The following ZFAT variants were observed in gnomAD, a reference collection of about 807,000 sequenced individuals.
The protein encoded by ZFAT is zinc finger protein ZFAT.
Under a neutral mutation model 117.7 loss-of-function variants are expected in ZFAT, and 64 were observed. That is an observed-to-expected ratio of 0.54 (90% confidence interval 0.44 to 0.67). The LOEUF is 0.67. ZFAT is among the 30% of genes least tolerant of loss of function. The pLI, the probability that ZFAT is intolerant of heterozygous loss-of-function variation, is 0.00. For missense variants in ZFAT, 1,433 were observed against 1,584.5 expected, an observed-to-expected ratio of 0.90 and a Z score of 1.62; for synonymous variants, 679 against 615.0, an observed-to-expected ratio of 1.10 and a Z score of -1.54.
chr8:134,654,502 C>T (rs1831472847), intron 2 of ZFAT, among the ~76,000 whole-genome samples: 1 of 152,150 alleles, frequency 6.6e-6, no homozygotes. Context: ...GGACCTCCAG[C>T]TGTTCGGCTA....
chr8:134,774,123 G>A, the ZFAT span, among the ~76,000 whole-genome samples: 1 of 150,702 alleles, frequency 6.6e-6, no homozygotes, highest in African/African-American at 2.4e-5. Flanking sequence ...AGCCTCCTGA[G>A]TAGCTGGGAT....
chr8:134,613,392 T>A (rs1470477428), intron 3 of ZFAT, among the ~76,000 whole-genome samples: 2 of 152,190 alleles, frequency 1.3e-5, no homozygotes, highest in Admixed American at 6.5e-5. Context: ...GCATTGTATG[T>A]TAGGAACACA....
At chr8:134,495,072 A>G (rs1445259275) in intron 15 of ZFAT, among the ~76,000 whole-genome samples, 1 of 152,188 alleles carries the variant, frequency 6.6e-6, no homozygotes, top group Non-Finnish European at 1.5e-5. Context: ...CCACCTGCCC[A>G]GCTCCCCTGA....
At chr8:134,588,103 G>A (rs559363945) in intron 9 of ZFAT, 143 bp downstream of exon 9, 2 of 998,864 alleles carry the variant, frequency 2.0e-6, no homozygotes, top group Non-Finnish European at 2.9e-6. Flanking sequence ...TTTGTAGCTG[G>A]TTGATGGACA....
intron 1 of ZFAT, among the ~76,000 whole-genome samples, chr8:134,676,727 G>A (rs1241603940): frequency 3.9e-5 from 6 of 152,198 alleles, no homozygotes; most frequent in East Asian, 1.9e-4. Flanking sequence ...GCAAAAGAAC[G>A]GAAATCATAA....
intron 12 of ZFAT, among the ~76,000 whole-genome samples, chr8:134,530,228 C>A (rs545405111): frequency 2.0e-5 from 3 of 152,306 alleles, no homozygotes; most frequent in Admixed American, 2.0e-4. Context: ...TTTAAGACAT[C>A]TTCCTCTATA....
the ZFAT span, among the ~76,000 whole-genome samples, chr8:134,779,401 G>A: frequency 1.6e-3 from 244 of 151,792 alleles, 1 homozygote; most frequent in African/African-American, 5.8e-3. Flanking sequence ...CAGACACGCT[G>A]AAGATGCAGA....
upstream of ZFAT, among the ~76,000 whole-genome samples, chr8:134,715,111 T>G (rs776718121): frequency 7.9e-5 from 12 of 152,250 alleles, no homozygotes; most frequent in Non-Finnish European, 1.2e-4. Flanking sequence ...ATTGGTTTTG[T>G]GCCGGTTTGC....
intron 1 of ZFAT, among the ~76,000 whole-genome samples, chr8:134,679,369 C>T (rs895029331): frequency 7.9e-5 from 12 of 152,176 alleles, no homozygotes; most frequent in African/African-American, 2.9e-4. Context: ...TAGAGAAATG[C>T]AAATCAAAAC....
chr8:134,783,534 T>C, the ZFAT span, among the ~76,000 whole-genome samples: 8 of 152,204 alleles, frequency 5.3e-5, no homozygotes, highest in Admixed American at 5.2e-4. Flanking sequence ...CCAAAAAGGT[T>C]GGGGACTGTT....
At chr8:134,598,014 C>T (rs1827096420) in intron 7 of ZFAT, 1 of 152,348 alleles carries the variant, frequency 6.6e-6, no homozygotes, top group African/African-American at 2.4e-5. Context: ...AATCCCTGCC[C>T]TCACGGCACA....
intron 11 of ZFAT, among the ~76,000 whole-genome samples, chr8:134,558,527 A>T (rs978834505): frequency 3.3e-5 from 5 of 152,266 alleles, no homozygotes; most frequent in African/African-American, 1.2e-4. Flanking sequence ...ACAACAAGAA[A>T]AAAGTAAAAC....
At position 134,581,579 on chromosome 8, in the gene ZFAT, T is replaced by C. The variant is rs1825713197; in HGVS notation, c.2887+2253A>G. On this transcript the variant is annotated intron_variant, in intron 10 of 15. Coordinates refer to ENST00000377838, the MANE Select transcript of ZFAT (RefSeq NM_020863.4). Reference sequence around the variant, plus strand: ...CATTGCACCTGATGACTGATGCCTTTCTTTTTTTTGGCAGGGGGGGTGTAG... The same window carrying C: ...CATTGCACCTGATGACTGATGCCTTCCTTTTTTTTGGCAGGGGGGGTGTAG... Among the ~76,000 whole-genome samples the C allele has an allele frequency of 2.6e-5, 4 of 152,242 alleles. No individual in the cohort carries two copies. The South Asian group carries it at 8.3e-4, about 32-fold the overall frequency.
intron 3 of ZFAT, 111 bp from the exon 4 acceptor site, chr8:134,610,766 T>A: frequency 1.6e-6 from 2 of 1,283,000 alleles, no homozygotes; most frequent in Non-Finnish European, 2.2e-6. Flanking sequence ...CTCTTTGGTC[T>A]GCAGTGCCAC....
chr8:134,808,111 C>T, the ZFAT span, among the ~76,000 whole-genome samples: 3 of 152,294 alleles, frequency 2.0e-5, no homozygotes, highest in South Asian at 2.1e-4. Flanking sequence ...ATTGGAGAAA[C>T]GATTTCGCTA....
In ZFAT at chr8:134,700,151, T is replaced by C. The variant is rs550704572; in HGVS notation, c.19+12694A>G. 6.6e-5 allele frequency among the ~76,000 whole-genome samples: 10 copies of C among 152,350 alleles called. No homozygotes were observed. In the South Asian group the frequency reaches 2.1e-3, roughly 32 times the overall value. ...GTGTGTACCTCACCTGATTTGGTTC[T>C]TCAGAGAATAAAATCCTCAGATGAC... On this transcript the variant is annotated intron_variant, in intron 1 of 15. Transcript: ENST00000377838.
Position 134,587,197 on chromosome 8 carries a change from C to G in ZFAT, c.2713+1049G>C, listed in dbSNP as rs141247087. ...GGAGTGAACATTTGACACAAAGCAC[C>G]CAGTCCATAGGCACCCCAACACTGT... On this transcript the variant is annotated intron_variant, in intron 9 of 15. Transcript: ENST00000377838. 4.7e-3 allele frequency among the ~76,000 whole-genome samples: 710 copies of G among 152,246 alleles called. 6 individuals carry two copies. The highest frequency in any genetic ancestry group is 0.01 in the Middle Eastern group (3 of 294).
chr8:134,661,004 G>A (rs539381446), intron 1 of ZFAT, among the ~76,000 whole-genome samples: 2 of 152,236 alleles, frequency 1.3e-5, no homozygotes, highest in African/African-American at 4.8e-5. Context: ...TGGAGCTCCC[G>A]AGGTGGAGGC....
intron 3 of ZFAT, among the ~76,000 whole-genome samples, chr8:134,627,665 T>C (rs751800496): frequency 2.0e-5 from 3 of 152,152 alleles, no homozygotes; most frequent in Non-Finnish European, 2.9e-5. Flanking sequence ...ACTTTGGGTT[T>C]CCCACCCATT....
Sources: allele counts gnomAD v4.1 joint callset (sites outside exome capture counted in the v4.1 genomes callset), GRCh38; gene constraint gnomAD v4.1.1; transcripts MANE v1.5; gene names NCBI Gene and HGNC (gene_info 2026-07-23, HGNC 2026-07-21).